ARHGAP28: variants seen among roughly 807,000 people sequenced by gnomAD.
The protein encoded by ARHGAP28 is Rho GTPase activating protein 28.
In ARHGAP28, 56 loss-of-function variants were observed where a neutral mutation model predicts 90.7. The observed-to-expected ratio is 0.62, with a 90% CI of 0.50 to 0.77. The LOEUF is 0.77. Ranked by LOEUF, ARHGAP28 falls within the 30% of genes least tolerant of loss-of-function variation. The pLI is 0.00. For missense variants in ARHGAP28, 869 were observed against 900.9 expected, an observed-to-expected ratio of 0.96 and a Z score of 0.45; for synonymous variants, 308 against 323.3, an observed-to-expected ratio of 0.95 and a Z score of 0.51.
At chr18:6,734,394 A>G (rs1225143185) in intron 1 of ARHGAP28, among the ~76,000 whole-genome samples, 12 of 152,322 alleles carry the variant, frequency 7.9e-5, no homozygotes, top group East Asian at 7.7e-4. Context: ...TAGTTATACC[A>G]TAAACTTCCC....
rs1479787718 is a variant in ARHGAP28, at chr18:6,914,578, A to G, written c.*2424A>G. 1.9e-5 allele frequency: 1 copy of G among 51,588 alleles called. No homozygotes were observed. Among genetic ancestry groups the G allele is most frequent in the Non-Finnish European group, 5.5e-5 (1 of 18,046 alleles). 3.2% of individuals were successfully genotyped at this position (51,588 alleles called of 1,614,324 possible). On this transcript the variant is annotated 3_prime_UTR_variant, in exon 18 of 18. Coordinates refer to ENST00000383472, the MANE Select transcript of ARHGAP28 (RefSeq NM_001366230.1). ...ATGCCTGTCATCTAAGTATTGAAAG[A>G]ATTTTTGCCTTATCAAGAGTTGTTT...
intron 1 of ARHGAP28, chr18:6,790,911 T>G (rs2056401939): frequency 6.6e-6 from 1 of 152,164 alleles, no homozygotes; most frequent in African/African-American, 2.4e-5. Flanking sequence ...GATCCATTAC[T>G]CAGCACTATC....
chr18:6,841,212 T>TCTCTCTCTCTCTCTC, intron 3 of ARHGAP28, among the ~76,000 whole-genome samples: 1 of 104,708 alleles, frequency 9.6e-6, no homozygotes, highest in African/African-American at 4.1e-5. Flanking sequence ...TCCTCTCCTC[T>TCTCTCTCTCTCTCTC]CTCTCTCTCT....
chr18:6,850,474 A>G (rs567168824), intron 3 of ARHGAP28, among the ~76,000 whole-genome samples: 1 of 152,344 alleles, frequency 6.6e-6, no homozygotes, highest in East Asian at 1.9e-4. Flanking sequence ...AAAGGCTGGT[A>G]TGGCTGCCCT....
intron 10 of ARHGAP28, among the ~76,000 whole-genome samples, chr18:6,879,506 T>A (rs1192609935): frequency 6.6e-6 from 1 of 152,164 alleles, no homozygotes; most frequent in East Asian, 1.9e-4. Flanking sequence ...TTTGGCAAGG[T>A]AAACTCATAC....
At position 6,887,255 on chromosome 18, in the gene ARHGAP28, C is replaced by T; in HGVS notation, c.1536+16C>T. 3 of 1,611,710 alleles carry T rather than the reference C, an allele frequency of 1.9e-6. No individual in the cohort carries two copies. The highest frequency in any genetic ancestry group is 1.1e-5 in the South Asian group (1 of 91,002). On this transcript the variant is annotated intron_variant, in intron 12 of 17. Transcript: ENST00000383472. Reference sequence around the variant, plus strand: ...TGCAGCTCAGGTACGTCGTGTCCACCTCACAGCTTGTCCTGGGGCTCTTAT... The same window carrying T: ...TGCAGCTCAGGTACGTCGTGTCCACTTCACAGCTTGTCCTGGGGCTCTTAT...
chr18:6,777,749 A>G (rs78497093), intron 1 of ARHGAP28, among the ~76,000 whole-genome samples: 1,898 of 150,718 alleles, frequency 0.013, 43 homozygotes, highest in African/African-American at 0.043. Context: ...TGAATGAATG[A>G]GTGAATGAAT....
At chr18:6,856,015 G>T (rs1567971914) in intron 4 of ARHGAP28, among the ~76,000 whole-genome samples, 1 of 152,232 alleles carries the variant, frequency 6.6e-6, no homozygotes, top group East Asian at 1.9e-4. Flanking sequence ...CAAGCCGAGT[G>T]CAGCCTGCTG....
chr18:6,816,209 G>A (rs2056589482), intron 1 of ARHGAP28, among the ~76,000 whole-genome samples: 1 of 152,166 alleles, frequency 6.6e-6, no homozygotes, highest in African/African-American at 2.4e-5. Flanking sequence ...TGTGTTCTTG[G>A]TCCTGTTAGT....
chr18:6,880,882 C>G (rs1449550156), intron 10 of ARHGAP28, among the ~76,000 whole-genome samples: 1 of 152,214 alleles, frequency 6.6e-6, no homozygotes, highest in Non-Finnish European at 1.5e-5. Context: ...GAATGGATCT[C>G]ATGCATCCTC....
chr18:6,910,703 C>T (rs976040828), intron 17 of ARHGAP28, among the ~76,000 whole-genome samples: 9 of 152,044 alleles, frequency 5.9e-5, no homozygotes, highest in Non-Finnish European at 1.0e-4. Flanking sequence ...TTGTTAGTTG[C>T]CTTGTGCTGC....
intron 1 of ARHGAP28, among the ~76,000 whole-genome samples, chr18:6,742,172 T>TTC (rs1296741437): frequency 6.6e-6 from 1 of 150,654 alleles, no homozygotes; most frequent in Non-Finnish European, 1.5e-5. Context: ...TCTTTTTCTT[T>TTC]TTTTTTTTTT....
At chr18:6,901,170 A>G (rs1239880849) in intron 16 of ARHGAP28, among the ~76,000 whole-genome samples, 1 of 152,332 alleles carries the variant, frequency 6.6e-6, no homozygotes, top group East Asian at 1.9e-4. Flanking sequence ...GGAAATTATA[A>G]CAAGGCTTAG....
chr18:6,880,576 G>A (rs1265033039), intron 10 of ARHGAP28, among the ~76,000 whole-genome samples: 2 of 152,146 alleles, frequency 1.3e-5, no homozygotes, highest in Non-Finnish European at 2.9e-5. Flanking sequence ...TAGCACTGGC[G>A]CTCGCTGCTC....
At position 6,873,477 on chromosome 18, in the gene ARHGAP28, G is replaced by T. The variant is rs2057105689; in HGVS notation, c.1023G>T (p.Lys341Asn). 5 of 1,614,020 alleles carry T rather than the reference G, an allele frequency of 3.1e-6. No homozygotes were observed. The South Asian group carries it at 4.4e-5, about 14-fold the overall frequency. ...EAGDLSAEDMKKIRHLSLIEL... is the reference protein window; with the variant it reads ...EAGDLSAEDMNKIRHLSLIEL... Reference sequence around the variant, plus strand: ...GAGATCTGTCTGCTGAAGACATGAAGAAAATCCGCCATCTCTCTCTGATTG... The same window carrying T: ...GAGATCTGTCTGCTGAAGACATGAATAAAATCCGCCATCTCTCTCTGATTG... Residue 341 changes from lysine (K) to asparagine (N), a missense_variant, in exon 8 of 18, where the codon AAG (lysine) becomes AAT (asparagine). Physicochemically the swap from Lys to Asn is moderately conservative, Grantham distance 94. Transcript: ENST00000383472.
intron 17 of ARHGAP28, 58 bp from the exon 18 acceptor site, chr18:6,912,002 T>A: frequency 8.7e-7 from 1 of 1,145,252 alleles, no homozygotes; most frequent in Non-Finnish European, 1.3e-6. Context: ...CACATATGTG[T>A]GCGCACGCAC....
At chr18:6,884,039 T>G (rs2143661622) in intron 11 of ARHGAP28, among the ~76,000 whole-genome samples, 1 of 152,300 alleles carries the variant, frequency 6.6e-6, no homozygotes, top group African/African-American at 2.4e-5. Context: ...TAATCATATT[T>G]TCCTTCACAT....
intron 3 of ARHGAP28, among the ~76,000 whole-genome samples, chr18:6,847,618 A>G (rs1266405238): frequency 9.3e-6 from 1 of 107,984 alleles, no homozygotes; most frequent in African/African-American, 3.9e-5. Flanking sequence ...GATGAGAGAG[A>G]GAGAGAGTGG....
intron 5 of ARHGAP28, 135 bp downstream of exon 5, chr18:6,860,032 G>A (rs1288394521): frequency 1.4e-6 from 1 of 723,748 alleles, no homozygotes; most frequent in African/African-American, 1.8e-5. Flanking sequence ...GGAAACCACA[G>A]CTGCTGGTAG....
Sources: allele counts gnomAD v4.1 joint callset (sites outside exome capture counted in the v4.1 genomes callset), GRCh38; gene constraint gnomAD v4.1.1; transcripts MANE v1.5; gene names NCBI Gene and HGNC (gene_info 2026-07-23, HGNC 2026-07-21).